The following TMEM132D variants were observed in gnomAD, a reference collection of about 807,000 sequenced individuals.
The protein encoded by TMEM132D is transmembrane protein 132D, also known as mature OL transmembrane protein.
A neutral mutation model predicts 62.3 loss-of-function variants in TMEM132D; 21 were observed. The ratio of observed to expected loss-of-function variants is 0.34; its 90% CI spans 0.24 to 0.49. TMEM132D has a LOEUF of 0.49. Ranked by LOEUF, TMEM132D falls within the 20% of genes least tolerant of loss-of-function variation. The pLI, the probability that TMEM132D is intolerant of heterozygous loss-of-function variation, is 0.99. For missense variants in TMEM132D, 1,346 were observed against 1,402.8 expected (o/e 0.96, Z 0.65); for synonymous variants, 621 against 575.6 (o/e 1.08, Z -1.13).
At chr12:129,309,581 C>T (rs1881923625) in intron 4 of TMEM132D, among the ~76,000 whole-genome samples, 1 of 152,122 alleles carries the variant, frequency 6.6e-6, no homozygotes, top group Admixed American at 6.5e-5. Context: ...CACCAGAACC[C>T]CACCCGGATC....
intron 3 of TMEM132D, among the ~76,000 whole-genome samples, chr12:129,476,695 T>C (rs561906512): frequency 6.6e-6 from 1 of 152,068 alleles, no homozygotes. Flanking sequence ...GGGAGAGAGA[T>C]GTATTTGTGG....
intron 1 of TMEM132D, among the ~76,000 whole-genome samples, chr12:129,718,283 C>T (rs1440394868): frequency 1.3e-5 from 2 of 152,218 alleles, no homozygotes; most frequent in Non-Finnish European, 2.9e-5. Flanking sequence ...GTCACATGCC[C>T]ACCTGACCCT....
At chr12:129,537,436 G>T (rs1406388059) in intron 2 of TMEM132D, among the ~76,000 whole-genome samples, 2 of 152,146 alleles carry the variant, frequency 1.3e-5, no homozygotes, top group African/African-American at 4.8e-5. Flanking sequence ...AGAACGGGGT[G>T]CATGACACAC....
At chr12:129,420,117 A>G (rs1249497485) in intron 3 of TMEM132D, among the ~76,000 whole-genome samples, 1 of 152,104 alleles carries the variant, frequency 6.6e-6, no homozygotes, top group Admixed American at 6.5e-5. Flanking sequence ...CTGAGCCCAC[A>G]CCAGCTCAGA....
intron 2 of TMEM132D, among the ~76,000 whole-genome samples, chr12:129,558,335 T>C (rs1164972985): frequency 6.6e-6 from 1 of 152,176 alleles, no homozygotes; most frequent in Non-Finnish European, 1.5e-5. Context: ...CTTCATGTGG[T>C]CAGGGAAGGG....
chr12:129,151,880 C>CT (rs11384544), intron 5 of TMEM132D, among the ~76,000 whole-genome samples: 56,746 of 133,474 alleles, frequency 0.43, 12,980 homozygotes, highest in Non-Finnish European at 0.51. Context: ...GTGATTCAAC[C>CT]TTTTTTTTTT....
rs1025067972 is a variant in TMEM132D, at chr12:129,147,246, T to A, written c.1443+62274A>T. Among the ~76,000 whole-genome samples the A allele has an allele frequency of 2.1e-4, 19 of 91,636 alleles. No individual in the cohort carries two copies. In the East Asian group the frequency reaches 2.9e-3, roughly 14 times the overall value. 60.1% of individuals were successfully genotyped at this position (91,636 alleles called of 152,430 possible). On this transcript the variant is annotated intron_variant, in intron 5 of 8. Transcript: ENST00000422113. The stretch of plus-strand genomic sequence containing the variant: ...CATGTGTATGTATATATACATATGT[T>A]TATGTATATATACATATGTGCATAT...
intron 2 of TMEM132D, among the ~76,000 whole-genome samples, chr12:129,629,120 C>T (rs1278617299): frequency 6.6e-6 from 1 of 152,130 alleles, no homozygotes; most frequent in African/African-American, 2.4e-5. Flanking sequence ...CTCTCACCAC[C>T]TGCCTTCTAC....
intron 4 of TMEM132D, among the ~76,000 whole-genome samples, chr12:129,284,982 A>G (rs536209108): frequency 1.3e-5 from 2 of 152,304 alleles, no homozygotes; most frequent in East Asian, 3.9e-4. Flanking sequence ...CGCTTTGGAG[A>G]GAGATGTTTG....
Position 129,460,375 on chromosome 12 carries a change from G to A in TMEM132D, c.1115+70684C>T, listed in dbSNP as rs1357152973. Among the ~76,000 whole-genome samples the A allele has an allele frequency of 4.6e-5, 7 of 152,236 alleles. No homozygotes were observed. The South Asian group carries it at 1.2e-3, about 27-fold the overall frequency. On this transcript the variant is annotated intron_variant, in intron 3 of 8. Transcript: ENST00000422113. ...TCCAGGATTGGAGATTTGAAAAAGCGGATAAGGTCCTTGAGAAATGTCAGG... is the reference window on the plus strand; with the variant it reads ...TCCAGGATTGGAGATTTGAAAAAGCAGATAAGGTCCTTGAGAAATGTCAGG...
chr12:129,874,889 G>A (rs867776919), intron 1 of TMEM132D, among the ~76,000 whole-genome samples: 59 of 151,862 alleles, frequency 3.9e-4, no homozygotes, highest in Non-Finnish European at 7.8e-4. Context: ...TAGTAGAGAC[G>A]GGGTCTAGAA....
chr12:129,277,825 C>T lies in TMEM132D; in HGVS notation c.1299+59809G>A, dbSNP rs139901795. On this transcript the variant is annotated intron_variant, in intron 4 of 8. Coordinates refer to ENST00000422113, the MANE Select transcript of TMEM132D (RefSeq NM_133448.3). The surrounding 1 kb of genome is among the most constrained non-coding windows in gnomAD (Gnocchi z 4.2). ...TGAATATGACAAAGTTTGGAAAATA[C>T]TGACCCAGAGGATGGATCCTTAGGC... Among the ~76,000 whole-genome samples, 71 of 152,294 alleles carry T rather than the reference C, an allele frequency of 4.7e-4. 2 individuals carry two copies. The East Asian group carries it at 0.012, about 26-fold the overall frequency.
At chr12:129,105,622 T>C (rs947630228) in intron 5 of TMEM132D, among the ~76,000 whole-genome samples, 3 of 144,756 alleles carry the variant, frequency 2.1e-5, no homozygotes, top group African/African-American at 7.9e-5. Context: ...GAACAGACAA[T>C]CCTCAAAGGA....
intron 1 of TMEM132D, among the ~76,000 whole-genome samples, chr12:129,865,498 T>A (rs1333792211): frequency 6.6e-6 from 1 of 152,164 alleles, no homozygotes; most frequent in East Asian, 1.9e-4. Flanking sequence ...ATCATACAAC[T>A]TCTGCTCAAC....
chr12:129,761,339 G>A (rs1475710940), intron 1 of TMEM132D, among the ~76,000 whole-genome samples: 1 of 152,084 alleles, frequency 6.6e-6, no homozygotes, highest in Non-Finnish European at 1.5e-5. Context: ...GCAGCACCAC[G>A]ATGGATCTGA....
At chr12:129,530,964 A>C (rs1191504053) in intron 3 of TMEM132D, 95 bp downstream of exon 3, 1 of 1,314,850 alleles carries the variant, frequency 7.6e-7, no homozygotes, top group Non-Finnish European at 1.0e-6. Context: ...TGCAAACCAC[A>C]GTGGAAATGG....
At chr12:129,548,865 A>G (rs1184128542) in intron 2 of TMEM132D, among the ~76,000 whole-genome samples, 1 of 152,258 alleles carries the variant, frequency 6.6e-6, no homozygotes, top group Non-Finnish European at 1.5e-5. Flanking sequence ...CATTTTACAA[A>G]CAAGAAAACA....
intron 2 of TMEM132D, among the ~76,000 whole-genome samples, chr12:129,537,730 A>C (rs1876440578): frequency 6.6e-6 from 1 of 152,322 alleles, no homozygotes; most frequent in South Asian, 2.1e-4. Context: ...GAGAAGAGGA[A>C]TTGGTTCACA....
intron 2 of TMEM132D, among the ~76,000 whole-genome samples, chr12:129,695,780 G>C (rs138046712): frequency 6.6e-6 from 1 of 152,220 alleles, no homozygotes; most frequent in Non-Finnish European, 1.5e-5. Flanking sequence ...ATAACGAGAG[G>C]AACTATTGAA....
Sources: gnomAD v4.1 joint callset for allele counts (sites outside exome capture counted in the v4.1 genomes callset) on GRCh38, gnomAD v4.1.1 for gene constraint, Gnocchi (gnomAD v3.1) non-coding constraint, MANE v1.5 for transcripts, NCBI Gene and HGNC (gene_info 2026-07-23, HGNC 2026-07-21) for gene names.